The following ATP11A variants were observed in gnomAD, a reference collection of about 807,000 sequenced individuals.
ATP11A encodes phospholipid-transporting ATPase IH.
ATP11A carries 81 observed loss-of-function variants against 154.4 expected under a neutral mutation model. That is an observed-to-expected ratio of 0.52 (90% CI 0.44 to 0.63). ATP11A has a LOEUF of 0.63. Ranked by LOEUF, ATP11A falls within the 30% of genes least tolerant of loss-of-function variation. The pLI, the probability that ATP11A is intolerant of heterozygous loss-of-function variation, is 0.00. For synonymous variants in ATP11A, 623 were observed against 585.9 expected, an observed-to-expected ratio of 1.06 and a Z score of -0.91; for missense variants, 1,316 against 1,474.3, an observed-to-expected ratio of 0.89 and a Z score of 1.76.
At chr13:112,793,780 G>A (rs192299126) in intron 2 of ATP11A, among the ~76,000 whole-genome samples, 197 of 152,346 alleles carry the variant, frequency 1.3e-3, no homozygotes, top group East Asian at 0.013. Flanking sequence ...TCCTGCGGGC[G>A]CCTGGGCTGC....
rs773040973 is a variant in ATP11A, at chr13:112,855,990, G to A, written c.2323G>A (p.Gly775Arg). 3.1e-6 allele frequency: 5 copies of A among 1,614,068 alleles called. No individual in the cohort carries two copies. Among genetic ancestry groups the A allele is most frequent in the East Asian group, 2.2e-5 (1 of 44,884 alleles). ...LSLIMKPRED[G>R]SSGNYRELFL... ...TCTGATAATGAAGCCTCGAGAAGAC[G>A]GGAGTTCCGGCAACTACAGGGAGCT... The change falls in exon 20 of 30, where the codon GGG (glycine) becomes AGG (arginine). Residue 775 changes from glycine to arginine, a missense_variant. Coordinates refer to ENST00000375645, the MANE Select transcript of ATP11A (RefSeq NM_015205.3).
chr13:112,830,778 G>A (rs1196744086), intron 12 of ATP11A, among the ~76,000 whole-genome samples: 2 of 152,120 alleles, frequency 1.3e-5, no homozygotes, highest in African/African-American at 2.4e-5. Context: ...AGTTATTCAC[G>A]ATAAACGTGT....
intron 1 of ATP11A, among the ~76,000 whole-genome samples, chr13:112,728,974 G>C (rs1434022548): frequency 6.6e-6 from 1 of 152,180 alleles, no homozygotes; most frequent in Non-Finnish European, 1.5e-5. Flanking sequence ...CAAATGCAGT[G>C]ATCAGAGGCT....
chr13:112,780,221 A>G lies in ATP11A; in HGVS notation c.40-4914A>G, dbSNP rs149560212. Among the ~76,000 whole-genome samples, 206 of 152,268 alleles carry G rather than the reference A, an allele frequency of 1.4e-3. 1 individual carries two copies. The highest frequency in any genetic ancestry group is 3.4e-3 in the Middle Eastern group (1 of 294). Reference sequence around the variant, plus strand: ...TAAAGCATGCAATCCGTTGGTTCCAACTGGAAAATATTCAAAGTCGTGCAC... The same window carrying G: ...TAAAGCATGCAATCCGTTGGTTCCAGCTGGAAAATATTCAAAGTCGTGCAC... On this transcript the variant is annotated intron_variant, in intron 1 of 29. Transcript: ENST00000375645.
At chr13:112,780,591 C>T (rs1432405653) in intron 1 of ATP11A, among the ~76,000 whole-genome samples, 1 of 152,150 alleles carries the variant, frequency 6.6e-6, no homozygotes, top group Non-Finnish European at 1.5e-5. Context: ...TGAACCTTCT[C>T]GCCGAATTTT....
intron 1 of ATP11A, among the ~76,000 whole-genome samples, chr13:112,769,279 G>C (rs1431817465): frequency 6.6e-6 from 1 of 152,230 alleles, no homozygotes; most frequent in South Asian, 2.1e-4. Context: ...GCCCCACGGC[G>C]TGCCTGCAGC....
At chr13:112,855,228 A>T (rs543126987) in intron 19 of ATP11A, among the ~76,000 whole-genome samples, 2 of 152,028 alleles carry the variant, frequency 1.3e-5, no homozygotes, top group Non-Finnish European at 2.9e-5. Context: ...TGTTTTTGAG[A>T]TGGAGCCTCA....
At chr13:112,730,115 C>T (rs1890333292) in intron 1 of ATP11A, among the ~76,000 whole-genome samples, 2 of 152,214 alleles carry the variant, frequency 1.3e-5, no homozygotes, top group African/African-American at 4.8e-5. Context: ...CCCGTGGGAA[C>T]CCTTCGCAGC....
intron 4 of ATP11A, among the ~76,000 whole-genome samples, chr13:112,808,803 T>C (rs2078402072): frequency 1.3e-5 from 2 of 152,194 alleles, no homozygotes; most frequent in African/African-American, 4.8e-5. Flanking sequence ...GGCCTTTCCC[T>C]GTGGCACCCA....
At position 112,883,126 on chromosome 13, in the gene ATP11A, A is replaced by G. The variant is rs1566614195; in HGVS notation, c.*1260A>G. 6.8e-6 allele frequency: 2 copies of G among 295,856 alleles called. No homozygotes were observed. Among genetic ancestry groups the G allele is most frequent in the Middle Eastern group, 7.7e-4 (1 of 1,294 alleles). 18.3% of individuals were successfully genotyped at this position (295,856 alleles called of 1,614,324 possible). A position where few individuals can be genotyped will look rare whatever the true frequency, so the allele number is the denominator to read the frequency against. On this transcript the variant is annotated 3_prime_UTR_variant, in exon 30 of 30. Coordinates refer to ENST00000375645, the MANE Select transcript of ATP11A (RefSeq NM_015205.3). ...CGTCCCCACGTCCCCTCGTCTCCTC[A>G]TCCCCACGTCCTCTCGTCCCCTTGT...
chr13:112,739,476 TAAG>T (rs1891315911), intron 1 of ATP11A, among the ~76,000 whole-genome samples: 1 of 152,246 alleles, frequency 6.6e-6, no homozygotes, highest in African/African-American at 2.4e-5. Context: ...GAAGAGGTGT[TAAG>T]GAGGATGTAG....
rs1039435642 is a variant in ATP11A at position 112,884,882 on chromosome 13, C to T, written c.*3016C>T. On this transcript the variant is annotated 3_prime_UTR_variant, in exon 30 of 30. Transcript: ENST00000375645. ...TTCACACCCAGTCCCTGCCACAGAC[C>T]GTCTCAGACACGCACAGTGGGCCTG... 6.6e-6 allele frequency: 1 copy of T among 152,054 alleles called. No individual in the cohort carries two copies. The highest frequency in any genetic ancestry group is 1.5e-5 in the Non-Finnish European group (1 of 68,044). The allele number at this position is 152,054 out of a possible 1,614,324, so 9.4% of individuals were successfully genotyped here.
intron 15 of ATP11A, 38 bp from the exon 16 acceptor site, chr13:112,836,140 C>T: frequency 1.3e-6 from 2 of 1,490,424 alleles, no homozygotes; most frequent in Non-Finnish European, 1.9e-6. Flanking sequence ...ACGTGAGCAC[C>T]CGTGTGGACG....
chr13:112,861,902 A>G (rs1488799848), intron 24 of ATP11A, among the ~76,000 whole-genome samples: 1 of 151,888 alleles, frequency 6.6e-6, no homozygotes, highest in Admixed American at 6.5e-5. Flanking sequence ...GAATAAATCT[A>G]AGAAAATGGG....
intron 1 of ATP11A, among the ~76,000 whole-genome samples, chr13:112,743,327 C>G (rs938115983): frequency 1.3e-5 from 2 of 152,202 alleles, no homozygotes; most frequent in African/African-American, 2.4e-5. Context: ...GTTGCAGGTT[C>G]CTGCTACAGT....
At chr13:112,808,343 C>T (rs1012763563) in intron 4 of ATP11A, among the ~76,000 whole-genome samples, 1 of 152,006 alleles carries the variant, frequency 6.6e-6, no homozygotes, top group African/African-American at 2.4e-5. Context: ...TTCTGGGCCC[C>T]ATCACCAGCA....
chr13:112,734,104 C>G (rs1311518080), intron 1 of ATP11A, among the ~76,000 whole-genome samples: 2 of 152,156 alleles, frequency 1.3e-5, no homozygotes, highest in Non-Finnish European at 2.9e-5. Context: ...CAGTGAGCCA[C>G]CAGGAGAGTG....
intron 2 of ATP11A, among the ~76,000 whole-genome samples, chr13:112,800,654 C>T (rs2078109720): frequency 6.6e-6 from 1 of 151,860 alleles, no homozygotes; most frequent in Admixed American, 6.5e-5. Flanking sequence ...TCTATGAGGC[C>T]AGCATTACCC....
intron 2 of ATP11A, among the ~76,000 whole-genome samples, chr13:112,796,934 G>A (rs1005326650): frequency 2.0e-5 from 3 of 152,074 alleles, no homozygotes; most frequent in Admixed American, 6.6e-5. Flanking sequence ...GGAAAAAAGA[G>A]TGAAGAAACA....
Sources: gnomAD v4.1 joint callset for allele counts (sites outside exome capture counted in the v4.1 genomes callset) on GRCh38, gnomAD v4.1.1 for gene constraint, MANE v1.5 for transcripts, NCBI Gene and HGNC (gene_info 2026-07-23, HGNC 2026-07-21) for gene names.